Variants in CUX1 observed in about 807,000 individuals in gnomAD.
CUX1 encodes cut like homeobox 1.
Under a neutral mutation model 158.8 loss-of-function variants are expected in CUX1, and 31 were observed. That is an observed-to-expected ratio of 0.20 (90% CI 0.15 to 0.26). The LOEUF is 0.26. Ranked by LOEUF, CUX1 falls within the 10% of genes least tolerant of loss-of-function variation. The probability of loss-of-function intolerance (pLI) is 1.00; values close to 1 mark genes in which losing one functional copy is unlikely to be tolerated. For synonymous variants in CUX1, 879 were observed against 862.1 expected (o/e 1.02, Z -0.34); for missense variants, 1,589 against 2,014.6 (o/e 0.79, Z 4.04).
intron 2 of CUX1, among the ~76,000 whole-genome samples, chr7:101,999,675 G>A (rs546927014): frequency 2.2e-4 from 33 of 152,310 alleles, no homozygotes; most frequent in Non-Finnish European, 3.8e-4. Flanking sequence ...CAGCAGGGCC[G>A]CTTGCAGCCC....
intron 2 of CUX1, among the ~76,000 whole-genome samples, chr7:101,997,711 G>A (rs1247446556): frequency 6.6e-6 from 1 of 152,146 alleles, no homozygotes; most frequent in African/African-American, 2.4e-5. Flanking sequence ...ATGTGAGGCC[G>A]ATGTTGTGCC....
rs1258909621 is a variant in CUX1 at position 101,865,785 on chromosome 7, GA to G, written c.30+48119del. Among the ~76,000 whole-genome samples, 15 of 152,342 alleles carry G rather than the reference GA, an allele frequency of 9.8e-5. No individual in the cohort carries two copies. In the East Asian group the frequency reaches 2.3e-3, roughly 24 times the overall value. On this transcript the variant is annotated intron_variant, in intron 1 of 23. Coordinates refer to ENST00000292535, the MANE Select transcript of CUX1 (RefSeq NM_181552.4). The stretch of plus-strand genomic sequence containing the variant: ...GCTAACGTTTTATGGTTTGTTGAGT[GA>G]AAGCAGGCACAATGGTAGGTAGTGG...
intron 4 of CUX1, 60 bp from the exon 5 acceptor site, chr7:102,097,304 G>A (rs1047237813): frequency 9.6e-6 from 15 of 1,559,724 alleles, no homozygotes; most frequent in South Asian, 6.2e-5. Flanking sequence ...CCTGTGTACC[G>A]CCGTGGAGGG....
At chr7:102,008,545 G>C (rs1817646161) in intron 2 of CUX1, among the ~76,000 whole-genome samples, 1 of 152,102 alleles carries the variant, frequency 6.6e-6, no homozygotes, top group African/African-American at 2.4e-5. Flanking sequence ...AATCCCTGAG[G>C]TGCAGAGTGC....
In CUX1 at chr7:101,897,364, G is replaced by T. The variant is rs905591249; in HGVS notation, c.31-18751G>T. 3.9e-5 allele frequency among the ~76,000 whole-genome samples: 6 copies of T among 152,218 alleles called. No individual in the cohort carries two copies. In the East Asian group the frequency reaches 1.2e-3, roughly 29 times the overall value. On this transcript the variant is annotated intron_variant, in intron 1 of 23. Coordinates refer to ENST00000292535, the MANE Select transcript of CUX1 (RefSeq NM_181552.4). ...AAATTTTTAAAAAGTAGCTGGGCAT[G>T]GTGGCATGCACCTGTCGTGTCAGCT...
At chr7:102,070,567 A>G (rs1265527986) in intron 4 of CUX1, 150 bp downstream of exon 4, 3 of 617,226 alleles carry the variant, frequency 4.9e-6, no homozygotes, top group South Asian at 2.0e-5. Context: ...TGCAGGACAC[A>G]TGAATTCTTC....
intron 3 of CUX1, among the ~76,000 whole-genome samples, chr7:102,054,066 C>T (rs1432513053): frequency 2.0e-5 from 3 of 152,120 alleles, no homozygotes; most frequent in African/African-American, 7.2e-5. Context: ...CCTCAGCCTC[C>T]CAAAGTGCTG....
chr7:102,245,069 G>T (rs1289666184), intron 23 of CUX1, among the ~76,000 whole-genome samples: 1 of 152,188 alleles, frequency 6.6e-6, no homozygotes, highest in Non-Finnish European at 1.5e-5. Flanking sequence ...TTGAGAAAGG[G>T]TCTCGCTCTG....
intron 2 of CUX1, among the ~76,000 whole-genome samples, chr7:101,986,150 C>T (rs1387329399): frequency 6.6e-6 from 1 of 152,162 alleles, no homozygotes. Flanking sequence ...AGATAGAAAC[C>T]GGTCCTGGTT....
At chr7:102,014,168 G>A (rs1273735517) in intron 2 of CUX1, among the ~76,000 whole-genome samples, 1 of 152,112 alleles carries the variant, frequency 6.6e-6, no homozygotes, top group African/African-American at 2.4e-5. Context: ...TGGGCAGCAA[G>A]CTCACAAGAG....
intron 20 of CUX1, among the ~76,000 whole-genome samples, chr7:102,209,214 T>G (rs959275933): frequency 6.6e-6 from 1 of 152,228 alleles, no homozygotes; most frequent in Non-Finnish European, 1.5e-5. Flanking sequence ...TTTTCCTTAA[T>G]GACTTAGACG....
chr7:102,195,812 C>T (rs1794745054), intron 14 of CUX1, among the ~76,000 whole-genome samples: 1 of 152,214 alleles, frequency 6.6e-6, no homozygotes, highest in Non-Finnish European at 1.5e-5. Context: ...GATGTCGAGA[C>T]GGGCCAGCCG....
chr7:101,882,578 C>T (rs1280603157), intron 1 of CUX1, among the ~76,000 whole-genome samples: 2 of 152,220 alleles, frequency 1.3e-5, no homozygotes, highest in Non-Finnish European at 2.9e-5. Context: ...TTCATTCAGG[C>T]TAGCACCTCT....
At chr7:101,848,380 A>G (rs929031091) in intron 1 of CUX1, among the ~76,000 whole-genome samples, 8 of 152,160 alleles carry the variant, frequency 5.3e-5, no homozygotes, top group Admixed American at 1.3e-4. Flanking sequence ...GGCAAATGAA[A>G]CATGTGAGTC....
intron 20 of CUX1, among the ~76,000 whole-genome samples, chr7:102,217,518 G>A (rs566105143): frequency 2.4e-4 from 36 of 152,382 alleles, no homozygotes; most frequent in African/African-American, 7.9e-4. Context: ...TTCCCATGTC[G>A]GGGAGATGAA....
chr7:101,933,203 CT>C (rs965802340), intron 2 of CUX1, among the ~76,000 whole-genome samples: 111 of 148,726 alleles, frequency 7.5e-4, no homozygotes, highest in African/African-American at 1.7e-3. Context: ...GATAAATCAC[CT>C]TTTTTTTTTC....
Position 101,972,110 on chromosome 7 carries a change from G to A in CUX1, c.141+55885G>A, listed in dbSNP as rs556902492. ...GCCTCCCAAGACGCTGGGACTACAGGCGCCTGCCACCACGCCCAGCTAATT... is the reference window on the plus strand; with the variant it reads ...GCCTCCCAAGACGCTGGGACTACAGACGCCTGCCACCACGCCCAGCTAATT... On this transcript the variant is annotated intron_variant, in intron 2 of 23. Transcript: ENST00000292535. Among the ~76,000 whole-genome samples the A allele has an allele frequency of 2.6e-4, 39 of 152,300 alleles. No homozygotes were observed. In the East Asian group the frequency reaches 7.2e-3, roughly 28 times the overall value.
At chr7:102,060,961 C>G (rs537132168) in intron 3 of CUX1, among the ~76,000 whole-genome samples, 3 of 132,712 alleles carry the variant, frequency 2.3e-5, no homozygotes, top group East Asian at 4.8e-4. Context: ...GTGTCTCACT[C>G]TAGCCCAGGC....
rs370789247 is a variant in CUX1 at position 102,028,087 on chromosome 7, T to C, written c.142-11T>C. 1.9e-6 allele frequency: 3 copies of C among 1,612,108 alleles called. No individual in the cohort carries two copies. The highest frequency in any genetic ancestry group is 2.5e-6 in the Non-Finnish European group (3 of 1,179,992). On this transcript the variant is annotated splice_polypyrimidine_tract_variant and intron_variant, in intron 2 of 23. Transcript: ENST00000292535. ...AAATGGCTGCTTCCTGACCTCCGCC[T>C]CCTGCTCCAGGATTTGCGCAAGCAG...
Sources: allele counts gnomAD v4.1 joint callset (sites outside exome capture counted in the v4.1 genomes callset), GRCh38; gene constraint gnomAD v4.1.1; transcripts MANE v1.5; gene names NCBI Gene and HGNC (gene_info 2026-07-23, HGNC 2026-07-21).